The following KIF1B variants were observed in gnomAD, a reference collection of about 807,000 sequenced individuals.
The protein encoded by KIF1B is kinesin family member 1B.
Under a neutral mutation model 241.9 loss-of-function variants are expected in KIF1B, and 76 were observed. The ratio of observed to expected loss-of-function variants is 0.31; its 90% CI spans 0.26 to 0.38. The LOEUF (loss-of-function observed/expected upper bound fraction) is 0.38. KIF1B is among the 10% of genes least tolerant of loss of function. KIF1B has a pLI of 1.00. For missense variants in KIF1B, 1,622 were observed against 2,271.4 expected (o/e 0.71, Z 5.81); for synonymous variants, 750 against 796.7 (o/e 0.94, Z 0.99).
At chr1:10,268,410 A>G in intron 7 of KIF1B, 147 bp downstream of exon 7, 2 of 693,344 alleles carry the variant, frequency 2.9e-6, no homozygotes, top group Admixed American at 2.1e-5. Context: ...TCTGCTTATC[A>G]TTTTTCTTCC....
At chr1:10,317,445 T>C (rs1651349438) in intron 22 of KIF1B, among the ~76,000 whole-genome samples, 1 of 151,434 alleles carries the variant, frequency 6.6e-6, no homozygotes, top group Admixed American at 6.6e-5. Flanking sequence ...CAGCTATTTT[T>C]TTCAAGGAAC....
intron 27 of KIF1B, among the ~76,000 whole-genome samples, chr1:10,327,084 C>T (rs995179674): frequency 2.0e-5 from 3 of 152,134 alleles, no homozygotes; most frequent in African/African-American, 4.8e-5. Context: ...TGGCTCACCC[C>T]TGTAATCCTA....
At chr1:10,347,459 A>G (rs1163170481) in intron 35 of KIF1B, among the ~76,000 whole-genome samples, 1 of 152,216 alleles carries the variant, frequency 6.6e-6, no homozygotes, top group African/African-American at 2.4e-5. Context: ...ATAGTCTGAA[A>G]TTATCTGTGT....
At position 10,337,469 on chromosome 1, in the gene KIF1B, C is replaced by T; in HGVS notation, c.3358C>T (p.Arg1120Ter). Residue 1120 changes from arginine (R) to a stop codon, truncating the protein, a stop_gained, in exon 31 of 49, where the codon CGA becomes TGA. Transcript: ENST00000676179. LOFTEE classifies it high-confidence loss of function. This position sits in a 1 kb window ranked among gnomAD's most constrained non-coding sequence, Gnocchi z 4.0. ...GAAACTGGGCAGTGCCTTCACTTTCCGAGTAACAGTGTTGCAGGCCAGTGG... is the reference window on the plus strand; with the variant it reads ...GAAACTGGGCAGTGCCTTCACTTTCTGAGTAACAGTGTTGCAGGCCAGTGG... ...HLKLGSAFTF[R>*]VTVLQASGIL... 6.2e-7 allele frequency: 1 copy of T among 1,614,158 alleles called. No individual in the cohort carries two copies.
rs1652226340 is a variant in KIF1B, at chr1:10,337,565, A to G, written c.3422+32A>G. 6.2e-7 allele frequency: 1 copy of G among 1,613,366 alleles called. No homozygotes were observed. ...TGCCCCTTTGCTCTGCCTCCCAGCT[A>G]GCTGCTAACCGAGGTGACATCTCTT... On this transcript the variant is annotated intron_variant, in intron 31 of 48. Coordinates refer to ENST00000676179, the MANE Select transcript of KIF1B (RefSeq NM_001365951.3). This position sits in a 1 kb window ranked among gnomAD's most constrained non-coding sequence, Gnocchi z 4.0.
intron 2 of KIF1B, among the ~76,000 whole-genome samples, chr1:10,247,534 G>C (rs929488169): frequency 3.9e-5 from 6 of 152,186 alleles, no homozygotes; most frequent in African/African-American, 1.4e-4. Context: ...TATAGGTCAT[G>C]GTAGACATGC....
At chr1:10,330,172 G>A (rs1651870128) in intron 27 of KIF1B, among the ~76,000 whole-genome samples, 1 of 152,150 alleles carries the variant, frequency 6.6e-6, no homozygotes, top group South Asian at 2.1e-4. Context: ...CAAAAATGCA[G>A]AGTAATTATG....
intron 3 of KIF1B, among the ~76,000 whole-genome samples, chr1:10,257,680 T>C (rs1302169675): frequency 6.6e-6 from 1 of 152,042 alleles, no homozygotes; most frequent in Non-Finnish European, 1.5e-5. Context: ...TTTCCTGTTT[T>C]GTATTTTTTT....
rs1053331623 is a variant in KIF1B, at chr1:10,374,531, C to T, written c.5096+66C>T. On this transcript the variant is annotated intron_variant, in intron 46 of 48. Coordinates refer to ENST00000676179, the MANE Select transcript of KIF1B (RefSeq NM_001365951.3). The surrounding 1 kb of genome is among the most constrained non-coding windows in gnomAD (Gnocchi z 4.3). The stretch of plus-strand genomic sequence containing the variant: ...AAATCCACAGGAAGAAGTGACTGGC[C>T]AGCTCTTCCCTGTGAGGTCTGTACT... The T allele has an allele frequency of 2.6e-6, 4 of 1,535,954 alleles. No individual in the cohort carries two copies. The highest frequency in any genetic ancestry group is 2.7e-5 in the African/African-American group (2 of 73,352).
rs541625665 is a variant in KIF1B, at chr1:10,312,298, A to G, written c.2116-7745A>G. On this transcript the variant is annotated intron_variant, in intron 22 of 48. Coordinates refer to ENST00000676179, the MANE Select transcript of KIF1B (RefSeq NM_001365951.3). ...ATCCTGTTTGCTCTCCCTGTAAAAC[A>G]TATCCTGACTCCATCTCTTTTCACC... Among the ~76,000 whole-genome samples the G allele has an allele frequency of 8.1e-4, 123 of 151,676 alleles. 6 individuals are homozygous for G. The South Asian group carries it at 0.022, about 27-fold the overall frequency.
Position 10,278,264 on chromosome 1 carries a change from T to G in KIF1B, c.1180+136T>G. ...ATGGTAGTGAAAATGTTTTGTTTTG[T>G]TTTGTTTTCTTTTTCCTTAAAAAAC... On this transcript the variant is annotated intron_variant, in intron 13 of 48. Transcript: ENST00000676179. 3.2e-6 allele frequency: 3 copies of G among 935,088 alleles called. No individual in the cohort carries two copies. In the South Asian group the frequency reaches 4.9e-5, roughly 15 times the overall value. 57.9% of individuals were successfully genotyped at this position (935,088 alleles called of 1,614,324 possible). A position where few individuals can be genotyped will look rare whatever the true frequency, so the allele number is the denominator to read the frequency against.
At chr1:10,281,737 A>G (rs1365775354) in intron 14 of KIF1B, among the ~76,000 whole-genome samples, 1 of 152,202 alleles carries the variant, frequency 6.6e-6, no homozygotes, top group East Asian at 1.9e-4. Context: ...TTTATTTAAG[A>G]CATATTAAAA....
chr1:10,370,036 CT>C (rs1258496808), intron 44 of KIF1B, among the ~76,000 whole-genome samples: 1 of 152,064 alleles, frequency 6.6e-6, no homozygotes, highest in Non-Finnish European at 1.5e-5. Context: ...GGCGGATCAC[CT>C]GAGGTTGGGA....
chr1:10,229,350 C>A (rs1434619846), intron 1 of KIF1B, among the ~76,000 whole-genome samples: 2 of 152,046 alleles, frequency 1.3e-5, no homozygotes, highest in African/African-American at 4.8e-5. Context: ...AGGACTTAAA[C>A]AGATAATTCT....
chr1:10,305,186 A>G lies in KIF1B; in HGVS notation c.2115+7940A>G. 8 of 1,047,652 alleles carry G rather than the reference A, an allele frequency of 7.6e-6. No homozygotes were observed. In the South Asian group the frequency reaches 2.7e-4, roughly 35 times the overall value. 64.9% of individuals were successfully genotyped at this position (1,047,652 alleles called of 1,614,324 possible). On this transcript the variant is annotated intron_variant, in intron 22 of 48. Coordinates refer to ENST00000676179, the MANE Select transcript of KIF1B (RefSeq NM_001365951.3). ...ATATGATTAGAATTTTCGTAAGCCA[A>G]AACTAAAGGTCTTCAAACATATCTT...
chr1:10,218,891 T>G (rs1023706125), intron 1 of KIF1B, among the ~76,000 whole-genome samples: 1 of 152,180 alleles, frequency 6.6e-6, no homozygotes, highest in Admixed American at 6.5e-5. Flanking sequence ...AGAAAGGATT[T>G]GAGCAGCTTA....
At chr1:10,217,730 A>C (rs1557642215) in intron 1 of KIF1B, among the ~76,000 whole-genome samples, 1 of 151,832 alleles carries the variant, frequency 6.6e-6, no homozygotes, top group Non-Finnish European at 1.5e-5. Flanking sequence ...GCCCACCCTG[A>C]CCTCATTTAT....
intron 22 of KIF1B, among the ~76,000 whole-genome samples, chr1:10,318,365 TG>T (rs1651385230): frequency 6.6e-6 from 1 of 151,494 alleles, no homozygotes; most frequent in Non-Finnish European, 1.5e-5. Context: ...TTGGAAACAG[TG>T]GATAGTCATA....
intron 36 of KIF1B, 115 bp downstream of exon 36, chr1:10,347,942 G>A (rs1402735397): frequency 8.9e-6 from 8 of 900,762 alleles, no homozygotes; most frequent in Non-Finnish European, 1.4e-5. Flanking sequence ...GGTGGGCGGG[G>A]CATTGTCCTG....
Sources: allele counts gnomAD v4.1 joint callset (sites outside exome capture counted in the v4.1 genomes callset), GRCh38; gene constraint gnomAD v4.1.1; non-coding constraint Gnocchi (gnomAD v3.1); transcripts MANE v1.5; gene names NCBI Gene and HGNC (gene_info 2026-07-23, HGNC 2026-07-21).